ATF7IP2: variants seen among roughly 807,000 people sequenced by gnomAD.
ATF7IP2 encodes activating transcription factor 7-interacting protein 2.
ATF7IP2 carries 42 observed loss-of-function variants against 64.2 expected under a neutral mutation model. The observed-to-expected ratio is 0.65, with a 90% CI of 0.51 to 0.85. ATF7IP2 has a LOEUF of 0.85. Ranked by LOEUF, ATF7IP2 falls within the 40% of genes least tolerant of loss-of-function variation. ATF7IP2 has a pLI of 0.00. For synonymous variants in ATF7IP2, 308 were observed against 272.8 expected, an observed-to-expected ratio of 1.13 and a Z score of -1.27; for missense variants, 933 against 784.2, an observed-to-expected ratio of 1.19 and a Z score of -2.27.
chr16:10,416,936 A>G (rs2047890805), intron 2 of ATF7IP2, among the ~76,000 whole-genome samples: 1 of 152,260 alleles, frequency 6.6e-6, no homozygotes. Flanking sequence ...AACACAAAGG[A>G]TAAATGCTTC....
intron 8 of ATF7IP2, chr16:10,447,093 G>C (rs2048833284): frequency 6.6e-6 from 1 of 152,174 alleles, no homozygotes; most frequent in Non-Finnish European, 1.5e-5. Flanking sequence ...CATATGAGTT[G>C]ACCACGGAAC....
chr16:10,419,113 A>G (rs1314567164), intron 2 of ATF7IP2, among the ~76,000 whole-genome samples: 2 of 152,216 alleles, frequency 1.3e-5, no homozygotes, highest in African/African-American at 4.8e-5. Flanking sequence ...TCTGTTTACA[A>G]ACAGGTTTTT....
At chr16:10,472,692 T>A (rs2049846886) in intron 10 of ATF7IP2, among the ~76,000 whole-genome samples, 1 of 151,748 alleles carries the variant, frequency 6.6e-6, no homozygotes, top group Non-Finnish European at 1.5e-5. Flanking sequence ...CCCATCTGTA[T>A]TAAAAATACA....
chr16:10,456,699 GC>G (rs1384539944), intron 8 of ATF7IP2, among the ~76,000 whole-genome samples: 1 of 152,124 alleles, frequency 6.6e-6, no homozygotes, highest in Non-Finnish European at 1.5e-5. Context: ...GCCTGCCATT[GC>G]CCCAGATGTC....
chr16:10,483,140 T>C lies in ATF7IP2; in HGVS notation c.*891T>C, dbSNP rs772554117. Reference sequence around the variant, plus strand: ...GCACTTTGTCAATCATTTGGGGAAATAGCCTGGAGGTCTTTCCTGAATCTG... The same window carrying C: ...GCACTTTGTCAATCATTTGGGGAAACAGCCTGGAGGTCTTTCCTGAATCTG... On this transcript the variant is annotated 3_prime_UTR_variant, in exon 14 of 14. Transcript: ENST00000562102. 2.0e-5 allele frequency: 3 copies of C among 152,244 alleles called. No homozygotes were observed. Among genetic ancestry groups the C allele is most frequent in the East Asian group, 3.8e-4 (2 of 5,200 alleles). The allele number at this position is 152,244 out of a possible 1,614,324, so 9.4% of individuals were successfully genotyped here.
intron 1 of ATF7IP2, among the ~76,000 whole-genome samples, chr16:10,397,737 G>T (rs1268418578): frequency 1.3e-5 from 2 of 151,696 alleles, no homozygotes; most frequent in Non-Finnish European, 2.9e-5. Flanking sequence ...CACGCCAGTG[G>T]TTTCAGCTAC....
chr16:10,392,111 G>A (rs560699883), intron 1 of ATF7IP2, among the ~76,000 whole-genome samples: 15 of 146,860 alleles, frequency 1.0e-4, no homozygotes, highest in African/African-American at 3.8e-4. Flanking sequence ...TGGAGTGAAC[G>A]GGCAAGATCT....
chr16:10,433,897 C>T (rs1339677956), intron 6 of ATF7IP2, among the ~76,000 whole-genome samples: 2 of 151,956 alleles, frequency 1.3e-5, no homozygotes, highest in East Asian at 3.9e-4. Flanking sequence ...AGTCCTGTTG[C>T]AAAAAGAGAA....
chr16:10,464,693 T>C (rs2049494377), intron 9 of ATF7IP2, among the ~76,000 whole-genome samples: 1 of 152,190 alleles, frequency 6.6e-6, no homozygotes, highest in Non-Finnish European at 1.5e-5. Flanking sequence ...AAATCTTGCA[T>C]TGAATTTCGT....
At chr16:10,473,866 A>T in intron 11 of ATF7IP2, 57 bp from the exon 12 acceptor site, 1 of 1,154,764 alleles carries the variant, frequency 8.7e-7, no homozygotes, top group Non-Finnish European at 1.2e-6. Context: ...TTAAATTTTT[A>T]AAAACATTTT....
chr16:10,449,036 G>A (rs1596544622), intron 8 of ATF7IP2: 1 of 152,094 alleles, frequency 6.6e-6, no homozygotes, highest in African/African-American at 2.4e-5. Flanking sequence ...GTTGAATTTT[G>A]TCAAAGGCCT....
At chr16:10,390,788 TGAAAAG>T (rs1368333173) in intron 1 of ATF7IP2, among the ~76,000 whole-genome samples, 2 of 151,724 alleles carry the variant, frequency 1.3e-5, no homozygotes, top group South Asian at 2.1e-4. Flanking sequence ...ACTCTAAAAA[TGAAAAG>T]GAAAAAGAGA....
intron 10 of ATF7IP2, among the ~76,000 whole-genome samples, 168 bp from the exon 11 acceptor site, chr16:10,473,311 A>T (rs576488243): frequency 8.5e-5 from 13 of 152,350 alleles, no homozygotes; most frequent in Admixed American, 2.0e-4. Flanking sequence ...ACATTTTTTT[A>T]AAAAAATTTC....
chr16:10,463,311 T>C (rs2049436601), intron 9 of ATF7IP2, among the ~76,000 whole-genome samples: 1 of 152,254 alleles, frequency 6.6e-6, no homozygotes, highest in Non-Finnish European at 1.5e-5. Flanking sequence ...ATTTTAAATA[T>C]GTCCACAAAT....
intron 8 of ATF7IP2, among the ~76,000 whole-genome samples, chr16:10,455,373 C>T (rs985319291): frequency 6.6e-6 from 1 of 152,154 alleles, no homozygotes; most frequent in Non-Finnish European, 1.5e-5. Flanking sequence ...TGGAGGAGGG[C>T]CTCAAGTCCA....
At chr16:10,453,326 C>T (rs1280885045) in intron 8 of ATF7IP2, among the ~76,000 whole-genome samples, 1 of 152,146 alleles carries the variant, frequency 6.6e-6, no homozygotes, top group Admixed American at 6.5e-5. Context: ...TCATGGCTTC[C>T]CTTGGGTAGG....
At chr16:10,448,299 T>C (rs1214501286) in intron 8 of ATF7IP2, 1 of 152,230 alleles carries the variant, frequency 6.6e-6, no homozygotes, top group Non-Finnish European at 1.5e-5. Flanking sequence ...TTTTTTCCAA[T>C]TCTGTGAAGA....
At chr16:10,463,798 C>A (rs904850220) in intron 9 of ATF7IP2, among the ~76,000 whole-genome samples, 2 of 152,208 alleles carry the variant, frequency 1.3e-5, no homozygotes, top group Non-Finnish European at 2.9e-5. Flanking sequence ...ATATTTCAAT[C>A]TATTCAGAAC....
chr16:10,442,961 G>A lies in ATF7IP2; in HGVS notation c.1194+2499G>A, dbSNP rs191755568. On this transcript the variant is annotated intron_variant, in intron 8 of 13. Coordinates refer to ENST00000562102, the MANE Select transcript of ATF7IP2 (RefSeq NM_001393719.1). ...TTAAATTTATCTGGTACCCCTCATGGGACTCCAATGGCATCTATATAAACG... is the reference window on the plus strand; with the variant it reads ...TTAAATTTATCTGGTACCCCTCATGAGACTCCAATGGCATCTATATAAACG... Among the ~76,000 whole-genome samples, 40 of 152,262 alleles carry A rather than the reference G, an allele frequency of 2.6e-4. 1 individual carries two copies. The highest frequency in any genetic ancestry group is 9.1e-4 in the African/African-American group (38 of 41,538).
Sources: allele counts gnomAD v4.1 joint callset (sites outside exome capture counted in the v4.1 genomes callset), GRCh38; gene constraint gnomAD v4.1.1; transcripts MANE v1.5; gene names NCBI Gene and HGNC (gene_info 2026-07-23, HGNC 2026-07-21).